AURKB: variants seen among roughly 807,000 people sequenced by gnomAD.
AURKB encodes the protein aurora kinase B-Sv1.
Under a neutral mutation model 36.5 loss-of-function variants are expected in AURKB, and 28 were observed. That is an observed-to-expected ratio of 0.77 (90% CI 0.57 to 1.05). The LOEUF (loss-of-function observed/expected upper bound fraction) is 1.05. Ranked by LOEUF, AURKB falls within the 50% of genes least tolerant of loss-of-function variation. The probability of loss-of-function intolerance (pLI) is 0.00; values close to 1 mark genes in which losing one functional copy is unlikely to be tolerated. For synonymous variants in AURKB, 175 were observed against 172.9 expected, an observed-to-expected ratio of 1.01 and a Z score of -0.09; for missense variants, 383 against 447.4, an observed-to-expected ratio of 0.86 and a Z score of 1.30.
At chr17:8,209,636 T>G (rs1416289796) in intron 2 of AURKB, among the ~76,000 whole-genome samples, 2 of 152,188 alleles carry the variant, frequency 1.3e-5, no homozygotes, top group Non-Finnish European at 2.9e-5. Context: ...TATGTGGGAA[T>G]TTATATATAT....
intron 3 of AURKB, 33 bp downstream of exon 3, chr17:8,207,705 C>T (rs1237167298): frequency 6.2e-7 from 1 of 1,613,668 alleles, no homozygotes; most frequent in African/African-American, 1.3e-5. Context: ...GGTCATCTCC[C>T]CAGCTCAGTC....
rs940727023 is a variant in AURKB, at chr17:8,206,130, ATTT to A, written c.686+358_686+360del. Among the ~76,000 whole-genome samples the A allele has an allele frequency of 3.3e-5, 4 of 120,886 alleles. No homozygotes were observed. The highest frequency in any genetic ancestry group is 3.5e-5 in the Non-Finnish European group (2 of 57,398). 79.3% of individuals were successfully genotyped at this position (120,886 alleles called of 152,430 possible). ...GGGTTATTAGCACCACACTCTAACC[ATTT>A]TTTTTTTTTTTTTTTGAGACAGAGT... On this transcript the variant is annotated intron_variant, in intron 7 of 8. Coordinates refer to ENST00000585124, the MANE Select transcript of AURKB (RefSeq NM_004217.4). This position sits in a 1 kb window ranked among gnomAD's most constrained non-coding sequence, Gnocchi z 4.2.
At chr17:8,209,705 T>C (rs1985851093) in intron 2 of AURKB, among the ~76,000 whole-genome samples, 1 of 152,374 alleles carries the variant, frequency 6.6e-6, no homozygotes, top group East Asian at 1.9e-4. Context: ...GTCTGGACCA[T>C]TGGGAAATAA....
At position 8,207,777 on chromosome 17, in the gene AURKB, C is replaced by A; in HGVS notation, c.112G>T (p.Ala38Ser). The change falls in exon 3 of 9, where the codon GCA (alanine) becomes TCA (serine). Residue 38 changes from alanine (A) to serine (S), a missense_variant. By Grantham distance (99) the Ala-to-Ser change is moderately conservative. Transcript: ENST00000585124. ...TTGGAGCGGCTCATGAGGACAAGTG[C>A]AGATGGGGTGACAGGCTCTTTCCGG... The part of the protein sequence containing the change: ...VLRKEPVTPS[A>S]LVLMSRSNVQ... The A allele has an allele frequency of 6.2e-7, 1 of 1,614,144 alleles. No homozygotes were observed. Among genetic ancestry groups the A allele is most frequent in the Non-Finnish European group, 8.5e-7 (1 of 1,180,024 alleles).
In AURKB at chr17:8,207,622, G is replaced by A. The variant is rs55878091; in HGVS notation, c.155C>T (p.Ala52Val). 1.9e-3 allele frequency: 3,008 copies of A among 1,613,950 alleles called. 47 individuals are homozygous for A. The South Asian group carries it at 0.029, about 16-fold the overall frequency. The stretch of plus-strand genomic sequence containing the variant: ...ATTCTCCATCACCTTCTGGCCAGGG[G>A]CAGCTAAGGAGAGAACAGGTAGGTT... ...MSRSNVQPTA[A>V]PGQKVMENSS... Residue 52 changes from alanine (A) to valine (V), a missense_variant, in exon 4 of 9, where the codon GCC becomes GTC. Transcript: ENST00000585124.
rs1306744788 is a variant in AURKB, at chr17:8,207,768, G to A, written c.121C>T (p.Leu41Phe). 6.2e-7 allele frequency: 1 copy of A among 1,614,140 alleles called. No homozygotes were observed. Among genetic ancestry groups the A allele is most frequent in the Non-Finnish European group, 8.5e-7 (1 of 1,180,020 alleles). The change falls in exon 3 of 9, where the codon CTC becomes TTC. Residue 41 changes from leucine to phenylalanine, a missense_variant. Transcript: ENST00000585124. ...GGCTGGACATTGGAGCGGCTCATGAGGACAAGTGCAGATGGGGTGACAGGC... is the reference window on the plus strand; with the variant it reads ...GGCTGGACATTGGAGCGGCTCATGAAGACAAGTGCAGATGGGGTGACAGGC... ...KEPVTPSALV[L>F]MSRSNVQPTA... is the part of the protein sequence containing the mutation.
At chr17:8,210,098 A>T in intron 2 of AURKB, 79 bp downstream of exon 2, 1 of 1,547,884 alleles carries the variant, frequency 6.5e-7, no homozygotes, top group Non-Finnish European at 8.9e-7. Flanking sequence ...AGGATTGCTC[A>T]TTGCAGGATC....
At position 8,210,414 on chromosome 17, in the gene AURKB, G is replaced by A. The variant is rs372613797; in HGVS notation, c.-26+116C>T. On this transcript the variant is annotated intron_variant, in intron 1 of 8. Transcript: ENST00000585124. ...GTCTCACCGCCCCCGCCCTGCTATC[G>A]TCCCTACCTCCTTCCAGCCCTGCGG... is the stretch of plus-strand genomic sequence containing the variant. 1.2e-3 allele frequency: 778 copies of A among 624,078 alleles called. 12 individuals are homozygous for A. Among genetic ancestry groups the A allele is most frequent in the South Asian group, 0.01 (540 of 53,980 alleles). The allele number at this position is 624,078 out of a possible 1,614,324, so 38.7% of individuals were successfully genotyped here.
At chr17:8,207,873 C>A (rs1253129571) in intron 2 of AURKB, 33 bp from the exon 3 acceptor site, 1 of 1,557,828 alleles carries the variant, frequency 6.4e-7, no homozygotes. Context: ...TCTGAGGGTG[C>A]CTTTGTCTGA....
chr17:8,206,677 A>C lies in AURKB; in HGVS notation c.538-38T>G. On this transcript the variant is annotated intron_variant, in intron 6 of 8. Transcript: ENST00000585124. This position sits in a 1 kb window ranked among gnomAD's most constrained non-coding sequence, Gnocchi z 4.2. ...ACGACAGGCAATCAGACAAGGATGGACCTCCAGCTACAAGCAGCACACCCT... is the reference window on the plus strand; with the variant it reads ...ACGACAGGCAATCAGACAAGGATGGCCCTCCAGCTACAAGCAGCACACCCT... 6.2e-7 allele frequency: 1 copy of C among 1,613,668 alleles called. No homozygotes were observed.
Position 8,206,359 on chromosome 17 carries a change from G to C in AURKB, c.686+132C>G, listed in dbSNP as rs563917160. On this transcript the variant is annotated intron_variant, in intron 7 of 8. Coordinates refer to ENST00000585124, the MANE Select transcript of AURKB (RefSeq NM_004217.4). The surrounding 1 kb of genome is among the most constrained non-coding windows in gnomAD (Gnocchi z 4.2). ...TTGGCAAATCTAGTCTCGAACTCCT[G>C]ACCTCAGGTGATCCGCCCTCCTCGG... 1 of 1,100,416 alleles carries C rather than the reference G, an allele frequency of 9.1e-7. No homozygotes were observed. The highest frequency in any genetic ancestry group is 1.3e-6 in the Non-Finnish European group (1 of 782,832). The allele number at this position is 1,100,416 out of a possible 1,614,324, so 68.2% of individuals were successfully genotyped here. A position where few individuals can be genotyped will look rare whatever the true frequency, so the allele number is the denominator to read the frequency against.
intron 8 of AURKB, 45 bp from the exon 9 acceptor site, chr17:8,205,089 GCTA>G: frequency 6.4e-7 from 1 of 1,557,394 alleles, no homozygotes; most frequent in Admixed American, 2.0e-5. Flanking sequence ...TTTCACCCTG[GCTA>G]CATCTTCCTT....
At position 8,206,969 on chromosome 17, in the gene AURKB, C is replaced by T. The variant is rs771981284; in HGVS notation, c.399-81G>A. ...ATGATAGGAGCAAACTGGGGTCAGA[C>T]GTGGCCCAGGCCGGGGACACCAGGG... On this transcript the variant is annotated intron_variant, in intron 5 of 8. Coordinates refer to ENST00000585124, the MANE Select transcript of AURKB (RefSeq NM_004217.4). The surrounding 1 kb of genome is among the most constrained non-coding windows in gnomAD (Gnocchi z 4.2). The T allele has an allele frequency of 7.5e-6, 12 of 1,598,240 alleles. No individual in the cohort carries two copies. Among genetic ancestry groups the T allele is most frequent in the East Asian group, 6.7e-5 (3 of 44,818 alleles).
chr17:8,209,868 A>G (rs3027260), intron 2 of AURKB: 399,430 of 464,038 alleles, frequency 0.86, 173,412 homozygotes, highest in Non-Finnish European at 0.9. Flanking sequence ...CAGGATATGG[A>G]TTGGGAATCA....
intron 3 of AURKB, 52 bp from the exon 4 acceptor site, chr17:8,207,677 C>G (rs1409895399): frequency 1.2e-6 from 2 of 1,613,758 alleles, no homozygotes; most frequent in Admixed American, 1.7e-5. Context: ...CTTCTCATCC[C>G]TAAACCCTCC....
In AURKB at chr17:8,205,159, C is replaced by T. The variant is rs1000064659; in HGVS notation, c.861+57G>A. On this transcript the variant is annotated intron_variant, in intron 8 of 8. Coordinates refer to ENST00000585124, the MANE Select transcript of AURKB (RefSeq NM_004217.4). ...CCATGCAAATACACTCTGCCCACCC[C>T]CAGCCCCCCAGCTCCTGGCTTCAGC... The T allele has an allele frequency of 3.8e-6, 6 of 1,562,336 alleles. No homozygotes were observed. The African/African-American group carries it at 5.4e-5, about 14-fold the overall frequency.
rs199630207 is a variant in AURKB, at chr17:8,206,767, C to T, written c.520G>A (p.Glu174Lys). The part of the protein sequence containing the change: ...KELQKSCTFD[E>K]QRTATIMEEL... ...GCCCGGACCGTGGCTGTTCGCTGCT[C>T]GTCAAATGTGCAGCTCTTCTGCAGC... is the stretch of plus-strand genomic sequence containing the variant. Residue 174 changes from glutamate to lysine, a missense_variant, in exon 6 of 9, where the codon GAG becomes AAG. Physicochemically the swap from Glu to Lys is moderately conservative, Grantham distance 56. This residue lies in a region of AURKB where 219 missense variants were observed against 252.6 expected (regional missense o/e 0.87). Coordinates refer to ENST00000585124, the MANE Select transcript of AURKB (RefSeq NM_004217.4). This position sits in a 1 kb window ranked among gnomAD's most constrained non-coding sequence, Gnocchi z 4.2. The T allele has an allele frequency of 4.2e-5, 68 of 1,613,968 alleles. No individual in the cohort carries two copies. Among genetic ancestry groups the T allele is most frequent in the Non-Finnish European group, 5.3e-5 (63 of 1,179,990 alleles).
At chr17:8,210,271 C>A in intron 1 of AURKB, 22 bp from the exon 2 acceptor site, 1 of 1,493,958 alleles carries the variant, frequency 6.7e-7, no homozygotes, top group East Asian at 2.3e-5. Flanking sequence ...AGGGAAACAG[C>A]CGTGAGAAGC....
intron 2 of AURKB, among the ~76,000 whole-genome samples, chr17:8,208,593 A>AAAATAAATAAAT (rs60763099): frequency 0.039 from 5,462 of 141,254 alleles, 114 homozygotes; most frequent in African/African-American, 0.054. Flanking sequence ...TCCGTCTCAA[A>AAAATAAATAAAT]AAATAAATAA....
Sources: gnomAD v4.1 joint callset for allele counts (sites outside exome capture counted in the v4.1 genomes callset) on GRCh38, gnomAD v4.1.1 for gene constraint, gnomAD v4.1.1 regional missense constraint, Gnocchi (gnomAD v3.1) non-coding constraint, MANE v1.5 for transcripts, NCBI Gene and HGNC (gene_info 2026-07-23, HGNC 2026-07-21) for gene names.